NEDD4L: variants seen among roughly 807,000 people sequenced by gnomAD.
NEDD4L encodes NEDD4 like E3 ubiquitin protein ligase.
In NEDD4L, 54 loss-of-function variants were observed where a neutral mutation model predicts 148.9. The observed-to-expected ratio is 0.36, with a 90% CI of 0.29 to 0.45. The LOEUF is 0.45. Among genes scored for constraint, NEDD4L ranks in the 20% least tolerant of loss-of-function variants. NEDD4L has a pLI of 1.00. For synonymous variants in NEDD4L, 433 were observed against 440.7 expected (o/e 0.98, Z 0.22); for missense variants, 856 against 1,233.8 (o/e 0.69, Z 4.59).
chr18:58,166,978 T>C (rs2036925485), intron 2 of NEDD4L, among the ~76,000 whole-genome samples: 2 of 152,232 alleles, frequency 1.3e-5, no homozygotes, highest in African/African-American at 4.8e-5. Flanking sequence ...CTGTGATTGA[T>C]CATGCATGAT....
At chr18:58,259,967 C>T (rs999807212) in intron 5 of NEDD4L, among the ~76,000 whole-genome samples, 6 of 152,056 alleles carry the variant, frequency 3.9e-5, no homozygotes, top group Admixed American at 6.6e-5. Flanking sequence ...TTTTAATATA[C>T]GGCCATTTTT....
chr18:58,153,144 A>C lies in NEDD4L; in HGVS notation c.49-12644A>C, dbSNP rs8096864. 8.9e-3 allele frequency among the ~76,000 whole-genome samples: 1,351 copies of C among 152,240 alleles called. 16 individuals are homozygous for C. Among genetic ancestry groups the C allele is most frequent in the African/African-American group, 0.031 (1,281 of 41,546 alleles). ...GTTATCATGAGTCCTGTTGTCCTGT[A>C]GGTGAATCATTGATTCCTGTCTTTG... On this transcript the variant is annotated intron_variant, in intron 1 of 30. Transcript: ENST00000400345.
chr18:58,387,377 C>G (rs1334434687), intron 26 of NEDD4L, 62 bp from the exon 27 acceptor site: 2 of 1,436,762 alleles, frequency 1.4e-6, no homozygotes, highest in East Asian at 5.2e-5. Context: ...TTTGTTTTTC[C>G]TGTGAAATTT....
At chr18:58,094,378 G>T (rs2084254067) in intron 1 of NEDD4L, among the ~76,000 whole-genome samples, 1 of 151,986 alleles carries the variant, frequency 6.6e-6, no homozygotes, top group East Asian at 1.9e-4. Context: ...ATAGAGACGG[G>T]ATTTCTCCAT....
At chr18:58,082,328 G>A (rs1478597354) in intron 1 of NEDD4L, among the ~76,000 whole-genome samples, 1 of 146,962 alleles carries the variant, frequency 6.8e-6, no homozygotes, top group African/African-American at 2.5e-5. Context: ...GGCTGGGCTC[G>A]AACTTCTGAC....
At chr18:58,239,531 T>A (rs929937483) in intron 2 of NEDD4L, among the ~76,000 whole-genome samples, 4 of 152,078 alleles carry the variant, frequency 2.6e-5, no homozygotes, top group African/African-American at 7.2e-5. Context: ...CCTTAAAATA[T>A]GTGGAGCTCA....
At chr18:58,272,781 G>A (rs1391701061) in intron 5 of NEDD4L, among the ~76,000 whole-genome samples, 1 of 152,204 alleles carries the variant, frequency 6.6e-6, no homozygotes, top group Non-Finnish European at 1.5e-5. Context: ...TGCTGTCCAG[G>A]TACTGTGCCG....
chr18:58,311,794 G>A (rs1181108037), intron 5 of NEDD4L, among the ~76,000 whole-genome samples: 1 of 152,192 alleles, frequency 6.6e-6, no homozygotes, highest in African/African-American at 2.4e-5. Context: ...TCTAAGCCTG[G>A]CGTCCACGTC....
intron 1 of NEDD4L, among the ~76,000 whole-genome samples, chr18:58,060,516 C>T (rs1252625986): frequency 5.9e-5 from 9 of 152,050 alleles, no homozygotes; most frequent in East Asian, 1.9e-4. Context: ...ATGGTGATGA[C>T]GGTGAAAATG....
At chr18:58,333,952 T>C in intron 12 of NEDD4L, 60 bp downstream of exon 12, 1 of 1,086,022 alleles carries the variant, frequency 9.2e-7, no homozygotes, top group East Asian at 2.4e-5. Context: ...TACAATCATC[T>C]GGGCTGCTGC....
chr18:58,063,148 C>T (rs111555540), intron 1 of NEDD4L, among the ~76,000 whole-genome samples: 14,601 of 146,732 alleles, frequency 0.1, 1,086 homozygotes, highest in African/African-American at 0.21. Flanking sequence ...GAAGTCCACA[C>T]GATCCTCCTA....
intron 22 of NEDD4L, among the ~76,000 whole-genome samples, chr18:58,368,538 C>T (rs17064888): frequency 0.086 from 13,154 of 152,132 alleles, 1,870 homozygotes; most frequent in African/African-American, 0.3. Context: ...TTTTAAGAGC[C>T]TGGAGGTAGA....
chr18:58,245,478 T>C lies in NEDD4L; in HGVS notation c.174T>C (p.Leu58=). ...ACGTAGCGGATGAGAATAGAGAACTTGCTTTGGTCCAGACAAAAACAATTA... is the reference window on the plus strand; with the variant it reads ...ACGTAGCGGATGAGAATAGAGAACTCGCTTTGGTCCAGACAAAAACAATTA... ...SLYVADENRE[L]ALVQTKTIKK... The change falls in exon 3 of 31, where the codon CTT becomes CTC. Residue 58 remains leucine, a synonymous_variant. Transcript: ENST00000400345. The C allele has an allele frequency of 5.7e-6, 9 of 1,584,978 alleles. No individual in the cohort carries two copies. Among genetic ancestry groups the C allele is most frequent in the Non-Finnish European group, 7.8e-6 (9 of 1,159,566 alleles).
intron 1 of NEDD4L, among the ~76,000 whole-genome samples, chr18:58,095,543 C>G: frequency 6.6e-6 from 1 of 152,082 alleles, no homozygotes; most frequent in East Asian, 1.9e-4. Context: ...CAGTCGGGGC[C>G]AAAGGGCAGA....
At chr18:58,055,664 C>T (rs1480332343) in intron 1 of NEDD4L, among the ~76,000 whole-genome samples, 3 of 152,190 alleles carry the variant, frequency 2.0e-5, no homozygotes, top group Admixed American at 1.3e-4. Context: ...AGAGATAGAG[C>T]AAGGACTATT....
At chr18:58,118,409 C>T (rs491763) in intron 1 of NEDD4L, among the ~76,000 whole-genome samples, 52,372 of 152,142 alleles carry the variant, frequency 0.34, 9,315 homozygotes, top group East Asian at 0.52. Flanking sequence ...GCTTTTCCTA[C>T]TTTCTCATCT....
intron 5 of NEDD4L, among the ~76,000 whole-genome samples, chr18:58,309,921 G>A (rs148579415): frequency 7.6e-4 from 115 of 152,260 alleles, no homozygotes; most frequent in African/African-American, 2.7e-3. Flanking sequence ...TCACCACCCC[G>A]ATTATACTGG....
intron 1 of NEDD4L, among the ~76,000 whole-genome samples, chr18:58,099,541 A>G (rs891751988): frequency 1.3e-5 from 2 of 152,132 alleles, no homozygotes; most frequent in African/African-American, 4.8e-5. Context: ...CTTTAGTGCT[A>G]TTTCCTGTTA....
intron 2 of NEDD4L, among the ~76,000 whole-genome samples, chr18:58,176,467 C>G (rs1392359501): frequency 6.6e-6 from 1 of 152,168 alleles, no homozygotes. Flanking sequence ...TCCCCAGTAG[C>G]TGGGAGTACA....
Sources: gnomAD v4.1 joint callset for allele counts (sites outside exome capture counted in the v4.1 genomes callset) on GRCh38, gnomAD v4.1.1 for gene constraint, MANE v1.5 for transcripts, NCBI Gene and HGNC (gene_info 2026-07-23, HGNC 2026-07-21) for gene names.